CSGALNACT1: variants seen among roughly 807,000 people sequenced by gnomAD.
CSGALNACT1 encodes beta4GalNAcT-1.
A neutral mutation model predicts 51.0 loss-of-function variants in CSGALNACT1; 52 were observed. The observed-to-expected ratio is 1.02, with a 90% CI of 0.82 to 1.29. The LOEUF (loss-of-function observed/expected upper bound fraction) is 1.29, where lower values mean the gene tolerates loss of function less well. CSGALNACT1 is among the 50% of genes most tolerant of loss of function. The pLI, the probability that CSGALNACT1 is intolerant of heterozygous loss-of-function variation, is 0.00. For missense variants in CSGALNACT1, 935 were observed against 679.2 expected (o/e 1.38, Z -4.19); for synonymous variants, 341 against 254.4 (o/e 1.34, Z -3.24).
chr8:19,559,623 A>C (rs576376054), intron 3 of CSGALNACT1, among the ~76,000 whole-genome samples: 1 of 152,316 alleles, frequency 6.6e-6, no homozygotes, highest in South Asian at 2.1e-4. Context: ...GAAACCAATT[A>C]GCAATGTAGA....
intron 4 of CSGALNACT1, among the ~76,000 whole-genome samples, chr8:19,487,211 C>G (rs972799976): frequency 2.0e-5 from 3 of 152,202 alleles, no homozygotes; most frequent in African/African-American, 7.2e-5. Flanking sequence ...ACTCATATGT[C>G]ATGTTAATAT....
At chr8:19,505,098 TC>T in intron 4 of CSGALNACT1, 102 bp downstream of exon 3, 1 of 1,312,812 alleles carries the variant, frequency 7.6e-7, no homozygotes, top group Non-Finnish European at 1.1e-6. Flanking sequence ...CCGCCAGCCA[TC>T]CCAGAGCCAG....
chr8:19,439,770 G>C, intron 6 of CSGALNACT1, 60 bp downstream of exon 5: 1 of 1,265,918 alleles, frequency 7.9e-7, no homozygotes, highest in East Asian at 2.3e-5. Context: ...TTCAGCCTTG[G>C]ATGTGTGCTT....
At chr8:19,742,891 C>T (rs1344653887) in intron 1 of CSGALNACT1, among the ~76,000 whole-genome samples, 1 of 152,210 alleles carries the variant, frequency 6.6e-6, no homozygotes. Context: ...CTGCCACTGG[C>T]AACCACGTGA....
chr8:19,534,955 C>T (rs1314975500), intron 3 of CSGALNACT1, among the ~76,000 whole-genome samples: 2 of 152,142 alleles, frequency 1.3e-5, no homozygotes, highest in Admixed American at 6.5e-5. Flanking sequence ...AAATCCCTGA[C>T]CACTGCCGAA....
chr8:19,737,351 A>T (rs2064044653), intron 1 of CSGALNACT1, among the ~76,000 whole-genome samples: 1 of 152,214 alleles, frequency 6.6e-6, no homozygotes, highest in Non-Finnish European at 1.5e-5. Flanking sequence ...ATGAATGCTC[A>T]CCATTTAGTA....
intron 3 of CSGALNACT1, among the ~76,000 whole-genome samples, chr8:19,551,542 G>A (rs2088091204): frequency 6.6e-6 from 1 of 152,100 alleles, no homozygotes; most frequent in African/African-American, 2.4e-5. Context: ...TCTCTCCCTG[G>A]AAGAACCATG....
intron 4 of CSGALNACT1, among the ~76,000 whole-genome samples, chr8:19,485,035 A>C (rs1017496553): frequency 6.6e-6 from 1 of 152,088 alleles, no homozygotes; most frequent in Non-Finnish European, 1.5e-5. Flanking sequence ...TGGGTGAGAA[A>C]ATAAACTTCT....
chr8:19,716,987 A>T (rs1278219908), intron 1 of CSGALNACT1, among the ~76,000 whole-genome samples: 1 of 152,226 alleles, frequency 6.6e-6, no homozygotes, highest in East Asian at 1.9e-4. Flanking sequence ...GTTGCATGGC[A>T]TTAGGCAAAG....
At chr8:19,564,350 T>C (rs1037453853) in intron 3 of CSGALNACT1, among the ~76,000 whole-genome samples, 2 of 151,470 alleles carry the variant, frequency 1.3e-5, no homozygotes, top group Non-Finnish European at 2.9e-5. Flanking sequence ...GGATGCCTAG[T>C]CCCATCCTCA....
chr8:19,494,194 G>C (rs2075008378), intron 4 of CSGALNACT1, among the ~76,000 whole-genome samples: 1 of 152,012 alleles, frequency 6.6e-6, no homozygotes, highest in African/African-American at 2.4e-5. Context: ...GTTCCTCCTT[G>C]ATGCGCCAGC....
chr8:19,469,173 T>C (rs569474355), intron 4 of CSGALNACT1, among the ~76,000 whole-genome samples: 1 of 152,280 alleles, frequency 6.6e-6, no homozygotes, highest in East Asian at 1.9e-4. Context: ...AAGGATCACT[T>C]GAGGCCAAGA....
At chr8:19,740,353 C>T (rs998728729) in intron 1 of CSGALNACT1, among the ~76,000 whole-genome samples, 7 of 152,342 alleles carry the variant, frequency 4.6e-5, no homozygotes, top group Admixed American at 1.3e-4. Context: ...GTCTGCTGTC[C>T]AGGCAGCCTC....
chr8:19,404,292 T>C (rs1342697231), exon 10 of CSGALNACT1: 5 of 451,040 alleles, frequency 1.1e-5, no homozygotes, highest in African/African-American at 2.0e-5. Context: ...ACAGCTTGAA[T>C]GTTCTTGAAG....
Position 19,406,085 on chromosome 8 carries a change from A to G in CSGALNACT1, c.1310-16T>C. 1 of 1,613,948 alleles carries G rather than the reference A, an allele frequency of 6.2e-7. No homozygotes were observed. Among genetic ancestry groups the G allele is most frequent in the Non-Finnish European group, 8.5e-7 (1 of 1,180,008 alleles). On this transcript the variant is annotated splice_polypyrimidine_tract_variant and intron_variant, in intron 9 of 9. Transcript: ENST00000454498. ...TCAAACCCACCTGTCGGGACAGAACACACTGTTGAATCACACTGCACTGAT... is the reference window on the plus strand; with the variant it reads ...TCAAACCCACCTGTCGGGACAGAACGCACTGTTGAATCACACTGCACTGAT...
intron 4 of CSGALNACT1, among the ~76,000 whole-genome samples, chr8:19,477,439 T>A (rs2070025429): frequency 6.6e-6 from 1 of 152,190 alleles, no homozygotes; most frequent in African/African-American, 2.4e-5. Context: ...AGCACACTCT[T>A]ACTTTGGCCA....
chr8:19,692,389 T>C (rs995094569), intron 1 of CSGALNACT1, among the ~76,000 whole-genome samples: 1 of 152,192 alleles, frequency 6.6e-6, no homozygotes, highest in Non-Finnish European at 1.5e-5. Context: ...ATAGTTACCA[T>C]TGTAACAAAT....
intron 3 of CSGALNACT1, among the ~76,000 whole-genome samples, chr8:19,550,561 C>T (rs559738515): frequency 1.3e-5 from 2 of 152,178 alleles, no homozygotes; most frequent in Admixed American, 6.5e-5. Context: ...TCCTCTGAGA[C>T]GTCTTTCCTG....
chr8:19,616,434 G>T (rs1251083246), intron 1 of CSGALNACT1, among the ~76,000 whole-genome samples: 4 of 152,058 alleles, frequency 2.6e-5, no homozygotes, highest in East Asian at 1.9e-4. Context: ...TGACCCTCCT[G>T]TCACCTTCAG....
Sources: allele counts gnomAD v4.1 joint callset (sites outside exome capture counted in the v4.1 genomes callset), GRCh38; gene constraint gnomAD v4.1.1; transcripts MANE v1.5; gene names NCBI Gene and HGNC (gene_info 2026-07-23, HGNC 2026-07-21).